ITGAV: variants seen among roughly 807,000 people sequenced by gnomAD.
ITGAV encodes the protein integrin alpha-V.
In ITGAV, 76 loss-of-function variants were observed where a neutral mutation model predicts 143.8. The ratio of observed to expected loss-of-function variants is 0.53; its 90% CI spans 0.44 to 0.64. The LOEUF is 0.64. ITGAV is among the 30% of genes least tolerant of loss of function. The pLI is 0.00. For missense variants in ITGAV, 1,193 were observed against 1,274.7 expected, an observed-to-expected ratio of 0.94 and a Z score of 0.98; for synonymous variants, 453 against 446.7, an observed-to-expected ratio of 1.01 and a Z score of -0.18.
intron 10 of ITGAV, among the ~76,000 whole-genome samples, chr2:186,640,668 G>A (rs1351251215): frequency 6.6e-6 from 1 of 152,000 alleles, no homozygotes; most frequent in East Asian, 1.9e-4. Flanking sequence ...CAACAACACT[G>A]GAAGGATATA....
At chr2:186,675,326 T>G (rs1291930964) in intron 26 of ITGAV, among the ~76,000 whole-genome samples, 1 of 152,256 alleles carries the variant, frequency 6.6e-6, no homozygotes, top group East Asian at 1.9e-4. Flanking sequence ...TTTAATATTA[T>G]GGATCTTATC....
At chr2:186,674,021 T>C (rs1299435664) in intron 26 of ITGAV, among the ~76,000 whole-genome samples, 1 of 152,192 alleles carries the variant, frequency 6.6e-6, no homozygotes. Flanking sequence ...TCATCCATGC[T>C]GGAGGACAGT....
rs544359668 is a variant in ITGAV at position 186,663,322 on chromosome 2, CA to C, written c.1858-445del. ...CAGCTCCTTATTCTTTTATCCTCTG[CA>C]GCCCTATTTCCTGATATTGGTAGAG... On this transcript the variant is annotated intron_variant, in intron 18 of 29. Transcript: ENST00000261023. Among the ~76,000 whole-genome samples the C allele has an allele frequency of 1.2e-4, 18 of 152,232 alleles. No homozygotes were observed. The South Asian group carries it at 2.7e-3, about 23-fold the overall frequency.
Position 186,591,276 on chromosome 2 carries a change from T to C in ITGAV, c.185+753T>C, listed in dbSNP as rs530170520. On this transcript the variant is annotated intron_variant, in intron 1 of 29. Coordinates refer to ENST00000261023, the MANE Select transcript of ITGAV (RefSeq NM_002210.5). The stretch of plus-strand genomic sequence containing the variant: ...TTAATAATTCAGTTATGTTTTCAAG[T>C]TGCCAACGTTCCGCGTTGCAAGGGC... Among the ~76,000 whole-genome samples, 3 of 152,330 alleles carry C rather than the reference T, an allele frequency of 2.0e-5. No homozygotes were observed. In the East Asian group the frequency reaches 5.8e-4, roughly 29 times the overall value.
chr2:186,595,743 T>C lies in ITGAV; in HGVS notation c.185+5220T>C, dbSNP rs1686733329. Among the ~76,000 whole-genome samples the C allele has an allele frequency of 1.3e-5, 2 of 152,072 alleles. 1 individual carries two copies. Among genetic ancestry groups the C allele is most frequent in the Non-Finnish European group, 2.9e-5 (2 of 68,018 alleles). On this transcript the variant is annotated intron_variant, in intron 1 of 29. Transcript: ENST00000261023. ...TGATGATGTTCTTGGACATACTTTTTGGAGGGAAATGGAGTCTATCAGGAG... is the reference window on the plus strand; with the variant it reads ...TGATGATGTTCTTGGACATACTTTTCGGAGGGAAATGGAGTCTATCAGGAG...
At chr2:186,612,848 C>T (rs188073922) in intron 2 of ITGAV, among the ~76,000 whole-genome samples, 1 of 152,000 alleles carries the variant, frequency 6.6e-6, no homozygotes, top group African/African-American at 2.4e-5. Flanking sequence ...AAGTAGTTTC[C>T]CTTCCCTTGT....
chr2:186,606,958 C>T (rs13017615), intron 2 of ITGAV, among the ~76,000 whole-genome samples: 1 of 152,024 alleles, frequency 6.6e-6, no homozygotes, highest in African/African-American at 2.4e-5. Context: ...TTCTGCTCTT[C>T]GTCTGCTTGA....
In ITGAV at chr2:186,666,747, T is replaced by C. The variant is rs768465954; in HGVS notation, c.2210T>C (p.Met737Thr). The C allele has an allele frequency of 6.9e-6, 11 of 1,586,372 alleles. No homozygotes were observed. The South Asian group carries it at 9.4e-5, about 14-fold the overall frequency. ...TTCAGTGTGCACCAGCAGTCAGAGA[T>C]GGATACTTCTGTGAAATTTGACTTA... The part of the protein sequence containing the change: ...LRFSVHQQSE[M>T]DTSVKFDLQI... The change falls in exon 22 of 30, where the codon ATG (methionine) becomes ACG (threonine). Residue 737 changes from methionine to threonine, a missense_variant. Transcript: ENST00000261023.
Position 186,649,888 on chromosome 2 carries a change from G to GTTCTCCAT in ITGAV, c.1397+3_1397+4insTTCTCCAT. ...GTAGATCGAGCTATCTTATACAGGT[G>GTTCTCCAT]AGCATTTTCTGTATCCTGCGGTATA... On this transcript the variant is annotated splice_donor_region_variant and intron_variant, in intron 14 of 29. Transcript: ENST00000261023. 1 of 1,427,130 alleles carries GTTCTCCAT rather than the reference G, an allele frequency of 7.0e-7. No individual in the cohort carries two copies. The highest frequency in any genetic ancestry group is 9.2e-7 in the Non-Finnish European group (1 of 1,083,398). The allele number at this position is 1,427,130 out of a possible 1,614,324, so 88.4% of individuals were successfully genotyped here.
In ITGAV at chr2:186,641,402, A is replaced by C; in HGVS notation, c.973A>C (p.Ile325Leu). The C allele has an allele frequency of 6.2e-7, 1 of 1,614,044 alleles. No individual in the cohort carries two copies. The highest frequency in any genetic ancestry group is 8.5e-7 in the Non-Finnish European group (1 of 1,179,888). Residue 325 changes from isoleucine (I) to leucine (L), a missense_variant, in exon 12 of 30, where the codon ATT becomes CTT. Coordinates refer to ENST00000261023, the MANE Select transcript of ITGAV (RefSeq NM_002210.5). ...INGDDYADVF[I>L]GAPLFMDRGS... The stretch of plus-strand genomic sequence containing the variant: ...TTCTTCTAGTTATGCAGATGTGTTT[A>C]TTGGAGCACCTCTCTTCATGGATCG...
chr2:186,604,920 C>T (rs187297482), intron 2 of ITGAV, among the ~76,000 whole-genome samples: 6 of 152,318 alleles, frequency 3.9e-5, no homozygotes, highest in Non-Finnish European at 7.4e-5. Context: ...CAAAATTTAA[C>T]TGCTTCTTAT....
chr2:186,636,789 T>C (rs747294196), intron 7 of ITGAV, among the ~76,000 whole-genome samples: 1 of 152,248 alleles, frequency 6.6e-6, no homozygotes, highest in Admixed American at 6.5e-5. Context: ...ATTTGTTCTT[T>C]ATGATGAGTT....
chr2:186,624,330 A>G (rs1455738634), intron 3 of ITGAV, among the ~76,000 whole-genome samples: 2 of 152,084 alleles, frequency 1.3e-5, no homozygotes, highest in Non-Finnish European at 2.9e-5. Context: ...ATTATGCTGC[A>G]TAGGGAAGGA....
Position 186,678,864 on chromosome 2 carries a change from A to G in ITGAV, c.*1572A>G. 1 of 393,638 alleles carries G rather than the reference A, an allele frequency of 2.5e-6. No homozygotes were observed. Among genetic ancestry groups the G allele is most frequent in the Non-Finnish European group, 5.0e-6 (1 of 199,900 alleles). 24.4% of individuals were successfully genotyped at this position (393,638 alleles called of 1,614,324 possible). A position where few individuals can be genotyped will look rare whatever the true frequency, so the allele number is the denominator to read the frequency against. On this transcript the variant is annotated 3_prime_UTR_variant, in exon 30 of 30. Coordinates refer to ENST00000261023, the MANE Select transcript of ITGAV (RefSeq NM_002210.5). ...TTTGCTGTGTTTTAAAAATGATTGA[A>G]ATTTATCTTGCCATATCTCATAATT...
rs1349186116 is a variant in ITGAV, at chr2:186,640,904, T to C, written c.904-11T>C. ...GAAATATAAACATTTCATTTTCATC[T>C]TTTTATCCAGATGGCTGCATATTTC... is the stretch of plus-strand genomic sequence containing the variant. On this transcript the variant is annotated splice_polypyrimidine_tract_variant and intron_variant, in intron 10 of 29. Coordinates refer to ENST00000261023, the MANE Select transcript of ITGAV (RefSeq NM_002210.5). The C allele has an allele frequency of 6.3e-7, 1 of 1,582,282 alleles. No individual in the cohort carries two copies. Among genetic ancestry groups the C allele is most frequent in the South Asian group, 1.1e-5 (1 of 87,978 alleles).
In ITGAV at chr2:186,668,826, A is replaced by G. The variant is rs199789114; in HGVS notation, c.2498A>G (p.Tyr833Cys). 5 of 1,613,596 alleles carry G rather than the reference A, an allele frequency of 3.1e-6. No individual in the cohort carries two copies. The highest frequency in any genetic ancestry group is 1.3e-5 in the African/African-American group (1 of 75,030). Residue 833 changes from tyrosine to cysteine, a missense_variant, in exon 25 of 30, where the codon TAT (tyrosine) becomes TGT (cysteine). Transcript: ENST00000261023. ...AMLHLQWPYK[Y>C]NNNTLLYILH... ...CTCCATCTTCAGTGGCCTTACAAAT[A>G]TAATAATAACACTCTGTTGTATATC...
intron 4 of ITGAV, among the ~76,000 whole-genome samples, chr2:186,629,999 C>A (rs1325358664): frequency 6.6e-6 from 1 of 152,058 alleles, no homozygotes; most frequent in Non-Finnish European, 1.5e-5. Context: ...CAAAAGAGTA[C>A]AACTATTGAG....
At chr2:186,648,162 T>A (rs981986770) in intron 13 of ITGAV, among the ~76,000 whole-genome samples, 6 of 152,224 alleles carry the variant, frequency 3.9e-5, no homozygotes, top group Non-Finnish European at 7.3e-5. Flanking sequence ...TACCTTTTTT[T>A]GTGGCATTTT....
At chr2:186,599,854 C>T (rs781183270) in intron 1 of ITGAV, among the ~76,000 whole-genome samples, 2 of 152,188 alleles carry the variant, frequency 1.3e-5, no homozygotes, top group East Asian at 1.9e-4. Context: ...AGGCCTCCAG[C>T]GATTGCTGTT....
Sources: gnomAD v4.1 joint callset for allele counts (sites outside exome capture counted in the v4.1 genomes callset) on GRCh38, gnomAD v4.1.1 for gene constraint, MANE v1.5 for transcripts, NCBI Gene and HGNC (gene_info 2026-07-23, HGNC 2026-07-21) for gene names.